Variants in SHISA6 observed in about 807,000 individuals in gnomAD.
SHISA6 encodes the protein shisa family member 6, also known as protein shisa-6.
A neutral mutation model predicts 47.9 loss-of-function variants in SHISA6; 22 were observed. The observed-to-expected ratio is 0.46, with a 90% CI of 0.33 to 0.66. The LOEUF is 0.66. Among genes scored for constraint, SHISA6 ranks in the 30% least tolerant of loss-of-function variants. The pLI is 0.02. For synonymous variants in SHISA6, 388 were observed against 337.8 expected (o/e 1.15, Z -1.63); for missense variants, 680 against 764.6 (o/e 0.89, Z 1.30).
At chr17:11,335,852 T>C (rs565946449) in intron 2 of SHISA6, among the ~76,000 whole-genome samples, 1 of 152,276 alleles carries the variant, frequency 6.6e-6, no homozygotes, top group African/African-American at 2.4e-5. Flanking sequence ...TAAAGTTTAT[T>C]TCATAACACG....
chr17:11,263,932 A>G lies in SHISA6; in HGVS notation c.799+406A>G, dbSNP rs568704770. On this transcript the variant is annotated intron_variant, in intron 2 of 5. Coordinates refer to ENST00000441885, the MANE Select transcript of SHISA6 (RefSeq NM_207386.4). ...ATGTAGAGCCTGCTCAACTATTGGG[A>G]TCTCAAAGAGCTCCTTCCTGAGGGT... Among the ~76,000 whole-genome samples, 4 of 152,324 alleles carry G rather than the reference A, an allele frequency of 2.6e-5. No individual in the cohort carries two copies. The South Asian group carries it at 8.3e-4, about 32-fold the overall frequency.
chr17:11,443,194 C>T (rs927343411), intron 3 of SHISA6, among the ~76,000 whole-genome samples: 3 of 152,126 alleles, frequency 2.0e-5, no homozygotes, highest in Non-Finnish European at 1.5e-5. Flanking sequence ...TGAAGACTTT[C>T]TTTTTTTCTC....
chr17:11,323,201 A>C (rs890525718), intron 2 of SHISA6, among the ~76,000 whole-genome samples: 2 of 152,194 alleles, frequency 1.3e-5, no homozygotes, highest in African/African-American at 4.8e-5. Context: ...AATTTTATCT[A>C]AACTTCATTA....
At chr17:11,463,414 G>A (rs575529282) in intron 3 of SHISA6, among the ~76,000 whole-genome samples, 40 of 152,020 alleles carry the variant, frequency 2.6e-4, no homozygotes, top group African/African-American at 9.4e-4. Context: ...AAATACTGAA[G>A]AACAACAAGA....
At chr17:11,381,148 AT>A (rs1326140853) in intron 3 of SHISA6, among the ~76,000 whole-genome samples, 1 of 152,096 alleles carries the variant, frequency 6.6e-6, no homozygotes, top group Non-Finnish European at 1.5e-5. Context: ...GGAAATATGG[AT>A]TTCCAAACAG....
chr17:11,350,618 A>T (rs17597653), intron 2 of SHISA6, among the ~76,000 whole-genome samples: 5,327 of 151,958 alleles, frequency 0.035, 143 homozygotes, highest in Non-Finnish European at 0.049. Flanking sequence ...ACTGTCAATC[A>T]TCTCTCACTG....
At chr17:11,534,310 T>C (rs2142374028) in intron 3 of SHISA6, among the ~76,000 whole-genome samples, 1 of 152,180 alleles carries the variant, frequency 6.6e-6, no homozygotes, top group African/African-American at 2.4e-5. Context: ...GCCCGGCCTA[T>C]TCTAACATTT....
chr17:11,474,518 T>C (rs1315019033), intron 3 of SHISA6, among the ~76,000 whole-genome samples: 1 of 152,104 alleles, frequency 6.6e-6, no homozygotes, highest in Non-Finnish European at 1.5e-5. Flanking sequence ...TTTTTGTGTG[T>C]GTGGATTTCC....
At chr17:11,289,368 C>T (rs1408314564) in intron 2 of SHISA6, 1 of 151,780 alleles carries the variant, frequency 6.6e-6, no homozygotes, top group Non-Finnish European at 1.5e-5. Context: ...GTTAAACTGT[C>T]CTCTATCATG....
chr17:11,463,304 A>G (rs182270049), intron 3 of SHISA6, among the ~76,000 whole-genome samples: 2 of 152,380 alleles, frequency 1.3e-5, no homozygotes, highest in African/African-American at 2.4e-5. Flanking sequence ...CCAGCGCTCA[A>G]TAAATAATAG....
chr17:11,501,402 T>A (rs1202029221), intron 3 of SHISA6, among the ~76,000 whole-genome samples: 1 of 151,964 alleles, frequency 6.6e-6, no homozygotes, highest in African/African-American at 2.4e-5. Flanking sequence ...GTCCAACAAA[T>A]TTTTAAAAGT....
chr17:11,481,148 A>T (rs981422743), intron 3 of SHISA6, among the ~76,000 whole-genome samples: 2 of 151,898 alleles, frequency 1.3e-5, no homozygotes, highest in Non-Finnish European at 2.9e-5. Flanking sequence ...GTGTGGTGGC[A>T]TGTGCCTGTA....
chr17:11,326,271 A>G (rs1400721314), intron 2 of SHISA6, among the ~76,000 whole-genome samples: 1 of 150,268 alleles, frequency 6.7e-6, no homozygotes, highest in Non-Finnish European at 1.5e-5. Context: ...ACTCCATCAA[A>G]AAAAAAAAAA....
intron 3 of SHISA6, among the ~76,000 whole-genome samples, chr17:11,502,416 A>AAG (rs1567623196): frequency 2.2e-5 from 3 of 133,868 alleles, no homozygotes; most frequent in Non-Finnish European, 4.8e-5. Context: ...CTCAAAAAAA[A>AAG]AAAAAAAAAA....
At chr17:11,507,858 T>A (rs1393522066) in intron 3 of SHISA6, among the ~76,000 whole-genome samples, 1 of 152,230 alleles carries the variant, frequency 6.6e-6, no homozygotes, top group Non-Finnish European at 1.5e-5. Flanking sequence ...TTTGTGTATT[T>A]CTCATTGAAA....
chr17:11,376,029 A>T (rs1912786178), intron 2 of SHISA6, among the ~76,000 whole-genome samples: 1 of 152,154 alleles, frequency 6.6e-6, no homozygotes, highest in African/African-American at 2.4e-5. Flanking sequence ...ACTTTGGCTT[A>T]ACTTCTGTTC....
Position 11,446,977 on chromosome 17 carries a change from C to G in SHISA6, c.895+67468C>G, listed in dbSNP as rs142650807. Among the ~76,000 whole-genome samples, 414 of 152,304 alleles carry G rather than the reference C, an allele frequency of 2.7e-3. 2 individuals are homozygous for G. Among genetic ancestry groups the G allele is most frequent in the African/African-American group, 7.9e-3 (330 of 41,568 alleles). On this transcript the variant is annotated intron_variant, in intron 3 of 5. Coordinates refer to ENST00000441885, the MANE Select transcript of SHISA6 (RefSeq NM_207386.4). ...TAATTTTATTCCTCAACTTTTGCCC[C>G]ACTAAGAACCTTCTCTCTGTGGTTT...
Position 11,241,643 on chromosome 17 carries a change from G to A in SHISA6, c.221G>A (p.Arg74Gln), listed in dbSNP as rs768475439. 5.8e-5 allele frequency: 80 copies of A among 1,382,316 alleles called. No individual in the cohort carries two copies. The African/African-American group carries it at 1.1e-3, about 20-fold the overall frequency. The allele number at this position is 1,382,316 out of a possible 1,614,324, so 85.6% of individuals were successfully genotyped here. The change falls in exon 1 of 6, where the codon CGG becomes CAG. Residue 74 changes from arginine (R) to glutamine (Q), a missense_variant. By Grantham distance (43) the Arg-to-Gln change is conservative. Around this residue, in one of 2 missense-constraint regions of SHISA6, gnomAD observed 559 missense variants for 674.1 expected, o/e 0.83. Coordinates refer to ENST00000441885, the MANE Select transcript of SHISA6 (RefSeq NM_207386.4). The surrounding 1 kb of genome is among the most constrained non-coding windows in gnomAD (Gnocchi z 5.5). ...GGAATCCCGGAGGCGGGAAGCCGGC[G>A]GGGGCAGCCCGCGGCGGCTGTGGCG... The part of the protein sequence containing the change: ...APGIPEAGSR[R>Q]GQPAAAVAAA...
chr17:11,398,539 T>C lies in SHISA6; in HGVS notation c.895+19030T>C, dbSNP rs184128324. Reference sequence around the variant, plus strand: ...CCTACCAGGACACTTTTCCAGTATTTTCATACTTAGGATGAACTTCCGCAT... The same window carrying C: ...CCTACCAGGACACTTTTCCAGTATTCTCATACTTAGGATGAACTTCCGCAT... On this transcript the variant is annotated intron_variant, in intron 3 of 5. Coordinates refer to ENST00000441885, the MANE Select transcript of SHISA6 (RefSeq NM_207386.4). 2.0e-5 allele frequency among the ~76,000 whole-genome samples: 3 copies of C among 152,308 alleles called. 1 individual carries two copies. The highest frequency in any genetic ancestry group is 4.4e-5 in the Non-Finnish European group (3 of 68,024).
Sources: gnomAD v4.1 joint callset for allele counts (sites outside exome capture counted in the v4.1 genomes callset) on GRCh38, gnomAD v4.1.1 for gene constraint, gnomAD v4.1.1 regional missense constraint, Gnocchi (gnomAD v3.1) non-coding constraint, MANE v1.5 for transcripts, NCBI Gene and HGNC (gene_info 2026-07-23, HGNC 2026-07-21) for gene names.